Variants in NAV1 observed in about 807,000 individuals in gnomAD.
NAV1 encodes neuron navigator 1.
A neutral mutation model predicts 175.2 loss-of-function variants in NAV1; 18 were observed. The ratio of observed to expected loss-of-function variants is 0.10; its 90% CI spans 0.07 to 0.15. The LOEUF is 0.15. NAV1 is among the 10% of genes least tolerant of loss of function. NAV1 has a pLI of 1.00. For missense variants in NAV1, 1,731 were observed against 2,436.6 expected, an observed-to-expected ratio of 0.71 and a Z score of 6.10; for synonymous variants, 897 against 978.7, an observed-to-expected ratio of 0.92 and a Z score of 1.56.
intron 1 of NAV1, among the ~76,000 whole-genome samples, chr1:201,664,900 C>A (rs936255538): frequency 2.0e-5 from 3 of 152,184 alleles, no homozygotes; most frequent in African/African-American, 7.2e-5. Flanking sequence ...CCCCATCTCT[C>A]CTTTCTGTGT....
intron 2 of NAV1, among the ~76,000 whole-genome samples, chr1:201,601,849 A>G (rs1667521958): frequency 6.6e-6 from 1 of 152,206 alleles, no homozygotes; most frequent in Non-Finnish European, 1.5e-5. Context: ...TTGAAGCTAG[A>G]TAAAGCAGGA....
At chr1:201,708,106 G>A (rs1671745855) in intron 1 of NAV1, among the ~76,000 whole-genome samples, 3 of 152,154 alleles carry the variant, frequency 2.0e-5, no homozygotes, top group African/African-American at 7.2e-5. Flanking sequence ...CCTTGACATG[G>A]ACAGTATGCT....
chr1:201,631,191 T>C lies in NAV1; in HGVS notation c.4+1684T>C, dbSNP rs1668471784. ...GTTCACTGCACTGCCTCTGCTCTGG[T>C]GCTAGCTAGTTGTCATGGTGACCCA... On this transcript the variant is annotated intron_variant, in intron 2 of 29. Transcript: ENST00000367302. Among the ~76,000 whole-genome samples, 3 of 152,300 alleles carry C rather than the reference T, an allele frequency of 2.0e-5. No homozygotes were observed. In the South Asian group the frequency reaches 6.2e-4, roughly 32 times the overall value.
intron 3 of NAV1, among the ~76,000 whole-genome samples, chr1:201,745,154 C>T (rs1292912872): frequency 6.6e-6 from 1 of 152,170 alleles, no homozygotes; most frequent in African/African-American, 2.4e-5. Flanking sequence ...ATGCTCAATT[C>T]TTGGACGTTT....
Position 201,539,590 on chromosome 1 carries a change from A to T in NAV1, c.-144+248A>T, listed in dbSNP as rs552088780. Reference sequence around the variant, plus strand: ...CCCTATGGGACTGACTGCGCGTTTGATTCTAGAGTTGACTCTCCGGGGGGG... The same window carrying T: ...CCCTATGGGACTGACTGCGCGTTTGTTTCTAGAGTTGACTCTCCGGGGGGG... On this transcript the variant is annotated intron_variant, in intron 1 of 33. Transcript: ENST00000685211. The surrounding 1 kb of genome is among the most constrained non-coding windows in gnomAD (Gnocchi z 5.6). Among the ~76,000 whole-genome samples the T allele has an allele frequency of 6.6e-6, 1 of 151,984 alleles. No homozygotes were observed. Among genetic ancestry groups the T allele is most frequent in the South Asian group, 2.1e-4 (1 of 4,806 alleles).
At chr1:201,616,290 T>C (rs955052092) in intron 2 of NAV1, among the ~76,000 whole-genome samples, 1 of 152,130 alleles carries the variant, frequency 6.6e-6, no homozygotes, top group Non-Finnish European at 1.5e-5. Context: ...AGAATCTCTT[T>C]AAAGAGCAGG....
intron 1 of NAV1, among the ~76,000 whole-genome samples, chr1:201,667,747 T>G (rs1050774960): frequency 6.6e-5 from 10 of 152,210 alleles, no homozygotes; most frequent in African/African-American, 2.4e-4. Flanking sequence ...CTCATAAATA[T>G]GCTTTTAAAA....
At chr1:201,557,728 G>C (rs1280717516) in intron 1 of NAV1, among the ~76,000 whole-genome samples, 1 of 152,208 alleles carries the variant, frequency 6.6e-6, no homozygotes, top group Non-Finnish European at 1.5e-5. Context: ...CTGAGATCCA[G>C]CCTGTTTAAT....
chr1:201,554,349 A>AG (rs1227125281), intron 1 of NAV1, among the ~76,000 whole-genome samples: 1 of 152,226 alleles, frequency 6.6e-6, no homozygotes, highest in East Asian at 1.9e-4. Flanking sequence ...CCCTAATGGC[A>AG]GGGACCACGT....
intron 7 of NAV1, among the ~76,000 whole-genome samples, chr1:201,784,923 T>C (rs1676616967): frequency 6.6e-6 from 1 of 151,964 alleles, no homozygotes; most frequent in South Asian, 2.1e-4. Flanking sequence ...CGCCCACCAC[T>C]GCGTCTGGCT....
intron 28 of NAV1, among the ~76,000 whole-genome samples, chr1:201,814,381 C>A (rs1199836664): frequency 1.3e-4 from 18 of 138,572 alleles, no homozygotes; most frequent in Admixed American, 1.4e-4. Context: ...AAAAAAAAAA[C>A]AATTAAAATT....
intron 3 of NAV1, among the ~76,000 whole-genome samples, chr1:201,765,997 T>C (rs191102210): frequency 9.7e-4 from 147 of 152,326 alleles, no homozygotes; most frequent in African/African-American, 3.5e-3. Context: ...TTTTAAAAGT[T>C]ATTGAAACCA....
intron 1 of NAV1, among the ~76,000 whole-genome samples, chr1:201,561,237 C>T (rs1666188069): frequency 6.6e-6 from 1 of 152,138 alleles, no homozygotes; most frequent in Non-Finnish European, 1.5e-5. Flanking sequence ...GGGATATTGT[C>T]AGTCAATGAA....
chr1:201,650,352 G>A (rs1280748522), intron 1 of NAV1, among the ~76,000 whole-genome samples: 1 of 152,256 alleles, frequency 6.6e-6, no homozygotes, highest in Admixed American at 6.5e-5. Context: ...CCGGACGCCA[G>A]GCGGCCATGC....
intron 1 of NAV1, among the ~76,000 whole-genome samples, chr1:201,559,304 C>T (rs1666128151): frequency 6.6e-6 from 1 of 152,122 alleles, no homozygotes; most frequent in Non-Finnish European, 1.5e-5. Context: ...TAAATGTTTC[C>T]TGCCCTTGAG....
chr1:201,706,145 G>C (rs1671657114), intron 1 of NAV1, among the ~76,000 whole-genome samples: 2 of 152,164 alleles, frequency 1.3e-5, no homozygotes, highest in Non-Finnish European at 2.9e-5. Flanking sequence ...ACAAATGCTG[G>C]TTGTGAGATG....
intron 3 of NAV1, among the ~76,000 whole-genome samples, chr1:201,774,765 T>G (rs1223427405): frequency 2.0e-5 from 3 of 152,200 alleles, no homozygotes; most frequent in Admixed American, 6.5e-5. Flanking sequence ...TAGGATATAT[T>G]TCACATATTT....
Position 201,812,068 on chromosome 1 carries a change from G to A in NAV1, c.5024+94G>A. On this transcript the variant is annotated intron_variant, in intron 26 of 29. Coordinates refer to ENST00000367296, the Ensembl canonical transcript of NAV1. This position sits in a 1 kb window ranked among gnomAD's most constrained non-coding sequence, Gnocchi z 4.6. Reference sequence around the variant, plus strand: ...GGAGGCAGTAGATAGGAGAAGGAAAGAGAAGTATCCAGAGCTTTTTGGGCT... The same window carrying A: ...GGAGGCAGTAGATAGGAGAAGGAAAAAGAAGTATCCAGAGCTTTTTGGGCT... 8.1e-7 allele frequency: 1 copy of A among 1,231,126 alleles called. No individual in the cohort carries two copies. Among genetic ancestry groups the A allele is most frequent in the Admixed American group, 1.8e-5 (1 of 57,136 alleles). 76.3% of individuals were successfully genotyped at this position (1,231,126 alleles called of 1,614,324 possible).
At chr1:201,655,996 T>C (rs1669389897) in intron 1 of NAV1, among the ~76,000 whole-genome samples, 1 of 152,144 alleles carries the variant, frequency 6.6e-6, no homozygotes, top group Non-Finnish European at 1.5e-5. Context: ...TGGGAGGGCA[T>C]GGAGAGCAGC....
Sources: gnomAD v4.1 joint callset for allele counts (sites outside exome capture counted in the v4.1 genomes callset) on GRCh38, gnomAD v4.1.1 for gene constraint, Gnocchi (gnomAD v3.1) non-coding constraint, MANE v1.5 for transcripts, NCBI Gene and HGNC (gene_info 2026-07-23, HGNC 2026-07-21) for gene names.